The following ETV1 variants were observed in gnomAD, a reference collection of about 807,000 sequenced individuals.
ETV1 encodes the protein ETS variant transcription factor 1.
In ETV1, 27 loss-of-function variants were observed where a neutral mutation model predicts 62.3. The ratio of observed to expected loss-of-function variants is 0.43; its 90% confidence interval spans 0.32 to 0.60. ETV1 has a LOEUF of 0.60. ETV1 is among the 20% of genes least tolerant of loss of function. ETV1 has a pLI of 0.06. For synonymous variants in ETV1, 222 were observed against 199.6 expected (o/e 1.11, Z -0.94); for missense variants, 605 against 605.8 (o/e 1.00, Z 0.01).
chr7:13,906,327 C>T (rs950088033), intron 12 of ETV1, 103 bp downstream of exon 12: 2 of 793,352 alleles, frequency 2.5e-6, no homozygotes, highest in Non-Finnish European at 3.7e-6. Flanking sequence ...TCCCTAAAGT[C>T]TTGAAATGAT....
intron 9 of ETV1, among the ~76,000 whole-genome samples, chr7:13,924,440 G>A (rs1013263471): frequency 3.3e-5 from 5 of 152,168 alleles, no homozygotes; most frequent in Admixed American, 6.5e-5. Flanking sequence ...AAAGAAAGCA[G>A]AATGCATCTT....
intron 6 of ETV1, among the ~76,000 whole-genome samples, chr7:13,970,395 C>G (rs1033332717): frequency 6.6e-6 from 1 of 151,890 alleles, no homozygotes; most frequent in African/African-American, 2.4e-5. Context: ...TCGTATAACT[C>G]TCAGGAATAC....
intron 5 of ETV1, among the ~76,000 whole-genome samples, chr7:13,982,291 C>G (rs1235317445): frequency 2.0e-5 from 3 of 151,872 alleles, no homozygotes; most frequent in African/African-American, 7.3e-5. Context: ...ACATTATACA[C>G]AAATCAAAGG....
At chr7:13,915,842 T>C (rs1191115452) in intron 9 of ETV1, among the ~76,000 whole-genome samples, 1 of 152,196 alleles carries the variant, frequency 6.6e-6, no homozygotes. Context: ...AGGACATATA[T>C]ATCTGAATTC....
chr7:13,948,584 G>A (rs1053799494), intron 6 of ETV1, among the ~76,000 whole-genome samples: 16 of 152,240 alleles, frequency 1.1e-4, no homozygotes, highest in Admixed American at 2.6e-4. Context: ...TAAATGAAGC[G>A]TTAGTAGAAC....
chr7:13,964,794 A>C (rs1790593125), intron 6 of ETV1, among the ~76,000 whole-genome samples: 1 of 152,088 alleles, frequency 6.6e-6, no homozygotes, highest in South Asian at 2.1e-4. Context: ...GAGTGAAAGC[A>C]TCCAGGTTCA....
chr7:13,971,661 A>C (rs548086893), intron 6 of ETV1, among the ~76,000 whole-genome samples: 1 of 152,340 alleles, frequency 6.6e-6, no homozygotes, highest in South Asian at 2.1e-4. Flanking sequence ...CTCTGGAAGA[A>C]GATAAAATGT....
intron 8 of ETV1, among the ~76,000 whole-genome samples, chr7:13,932,544 A>G (rs1389357100): frequency 6.6e-6 from 1 of 152,210 alleles, no homozygotes; most frequent in Non-Finnish European, 1.5e-5. Context: ...CTGTTAGGAC[A>G]TGAGGAAGTT....
chr7:13,974,255 G>A lies in ETV1; in HGVS notation c.235+3172C>T, dbSNP rs964063100. On this transcript the variant is annotated intron_variant, in intron 6 of 13. Coordinates refer to ENST00000430479, the MANE Select transcript of ETV1 (RefSeq NM_004956.5). ...TTTAAAGCAAAATGAACACATGCAA[G>A]GGCAAAGAGATTTAAAACAGCTCAA... 2.6e-5 allele frequency among the ~76,000 whole-genome samples: 4 copies of A among 152,214 alleles called. No homozygotes were observed. The East Asian group carries it at 7.7e-4, about 29-fold the overall frequency.
Position 13,892,474 on chromosome 7 carries a change from C to T in ETV1, c.*3392G>A. ...AAATCCTAGATCCCTCAGCAGAACT[C>T]CACTGTTCCTGAGTAAATCAATTAG... On this transcript the variant is annotated 3_prime_UTR_variant, in exon 14 of 14. Coordinates refer to ENST00000430479, the MANE Select transcript of ETV1 (RefSeq NM_004956.5). 4.3e-6 allele frequency: 1 copy of T among 233,006 alleles called. No homozygotes were observed. 14.4% of individuals were successfully genotyped at this position (233,006 alleles called of 1,614,324 possible).
intron 9 of ETV1, among the ~76,000 whole-genome samples, chr7:13,911,693 T>C (rs17736280): frequency 0.028 from 4,334 of 152,270 alleles, 67 homozygotes; most frequent in Middle Eastern, 0.048. Context: ...TATAGCAACA[T>C]TGGAAATATT....
chr7:13,898,801 A>G (rs1782103028), intron 13 of ETV1, among the ~76,000 whole-genome samples: 1 of 152,172 alleles, frequency 6.6e-6, no homozygotes, highest in Admixed American at 6.5e-5. Context: ...CTGAATGACT[A>G]TACTAGAATT....
At chr7:13,921,790 C>A (rs1458412309) in intron 9 of ETV1, among the ~76,000 whole-genome samples, 1 of 151,992 alleles carries the variant, frequency 6.6e-6, no homozygotes, top group Non-Finnish European at 1.5e-5. Flanking sequence ...GGAGATGAAC[C>A]CACCATTCAG....
rs535896364 is a variant in ETV1 at position 13,894,294 on chromosome 7, T to G, written c.*1572A>C. On this transcript the variant is annotated 3_prime_UTR_variant, in exon 14 of 14. Transcript: ENST00000430479. The stretch of plus-strand genomic sequence containing the variant: ...TCAGAGATTCTATATCCCCATTTAC[T>G]CATGGTTTTTTCAAGGTGAATGAAA... 8 of 232,764 alleles carry G rather than the reference T, an allele frequency of 3.4e-5. No individual in the cohort carries two copies. The East Asian group carries it at 4.3e-4, about 12-fold the overall frequency. The allele number at this position is 232,764 out of a possible 1,614,324, so 14.4% of individuals were successfully genotyped here.
At chr7:13,921,183 A>T (rs561524811) in intron 9 of ETV1, among the ~76,000 whole-genome samples, 36 of 152,318 alleles carry the variant, frequency 2.4e-4, no homozygotes, top group Middle Eastern at 3.4e-3. Context: ...TTCAGGAGAA[A>T]ATGTAGCCAT....
chr7:13,953,313 AT>A (rs1789041862), intron 6 of ETV1, among the ~76,000 whole-genome samples: 1 of 152,218 alleles, frequency 6.6e-6, no homozygotes, highest in Non-Finnish European at 1.5e-5. Flanking sequence ...TTACCTAATT[AT>A]GACCTTTATG....
At chr7:13,952,710 A>T (rs1221893017) in intron 6 of ETV1, among the ~76,000 whole-genome samples, 1 of 152,148 alleles carries the variant, frequency 6.6e-6, no homozygotes, top group Non-Finnish European at 1.5e-5. Flanking sequence ...ACATTTCAGT[A>T]GGAAATGTGG....
At chr7:13,966,151 C>T (rs1048743758) in intron 6 of ETV1, among the ~76,000 whole-genome samples, 1 of 152,124 alleles carries the variant, frequency 6.6e-6, no homozygotes, top group Admixed American at 6.5e-5. Context: ...TAGGACAATA[C>T]TCTGTAAATA....
intron 5 of ETV1, chr7:13,986,331 T>A: frequency 3.4e-6 from 5 of 1,492,096 alleles, no homozygotes; most frequent in Non-Finnish European, 4.4e-6. Flanking sequence ...ATAAACCTGA[T>A]CAATTGCAAT....
Sources: gnomAD v4.1 joint callset for allele counts (sites outside exome capture counted in the v4.1 genomes callset) on GRCh38, gnomAD v4.1.1 for gene constraint, MANE v1.5 for transcripts, NCBI Gene and HGNC (gene_info 2026-07-23, HGNC 2026-07-21) for gene names.